Variants in TMTC2 observed in about 807,000 individuals in gnomAD.
The protein encoded by TMTC2 is transmembrane O-mannosyltransferase targeting cadherins 2, also known as protein O-mannosyl-transferase TMTC2.
A neutral mutation model predicts 82.4 loss-of-function variants in TMTC2; 43 were observed. That is an observed-to-expected ratio of 0.52 (90% CI 0.41 to 0.67). TMTC2 has a LOEUF of 0.67. Ranked by LOEUF, TMTC2 falls within the 30% of genes least tolerant of loss-of-function variation. The pLI, the probability that TMTC2 is intolerant of heterozygous loss-of-function variation, is 0.00. For missense variants in TMTC2, 919 were observed against 1,012.4 expected (o/e 0.91, Z 1.25); for synonymous variants, 408 against 381.9 (o/e 1.07, Z -0.80).
intron 10 of TMTC2, among the ~76,000 whole-genome samples, chr12:83,056,880 C>G (rs1365938807): frequency 1.3e-5 from 2 of 151,828 alleles, no homozygotes; most frequent in Non-Finnish European, 2.9e-5. Flanking sequence ...TATTAACATG[C>G]AAGTGAACAC....
intron 2 of TMTC2, among the ~76,000 whole-genome samples, chr12:82,876,031 T>TGGTGGC (rs1872482498): frequency 2.7e-5 from 2 of 74,124 alleles, no homozygotes; most frequent in South Asian, 4.7e-4. Flanking sequence ...GTGGTGGCGG[T>TGGTGGC]GGTGGTGGTG....
intron 1 of TMTC2, among the ~76,000 whole-genome samples, chr12:82,720,658 A>G (rs1337420299): frequency 6.6e-6 from 1 of 152,202 alleles, no homozygotes; most frequent in Non-Finnish European, 1.5e-5. Context: ...GAGCTGCTGC[A>G]CTGTTTTCCA....
At chr12:83,116,996 C>G (rs987843176) in intron 11 of TMTC2, among the ~76,000 whole-genome samples, 4 of 152,060 alleles carry the variant, frequency 2.6e-5, no homozygotes, top group Admixed American at 2.6e-4. Context: ...TCATGAAATC[C>G]TTGCCTCAAC....
chr12:83,087,921 G>A (rs755906156), intron 11 of TMTC2, among the ~76,000 whole-genome samples: 31 of 152,224 alleles, frequency 2.0e-4, no homozygotes, highest in Admixed American at 2.0e-4. Flanking sequence ...CACACAGTCT[G>A]TCCTTGAAGC....
intron 1 of TMTC2, among the ~76,000 whole-genome samples, chr12:82,819,411 A>G (rs1312737298): frequency 6.6e-6 from 1 of 151,588 alleles, no homozygotes; most frequent in African/African-American, 2.4e-5. Flanking sequence ...GATAATCTCC[A>G]GTTTATCATG....
At chr12:83,074,489 C>T (rs544504569) in intron 11 of TMTC2, among the ~76,000 whole-genome samples, 10 of 152,202 alleles carry the variant, frequency 6.6e-5, no homozygotes, top group African/African-American at 2.4e-4. Context: ...TGTCTGAGCC[C>T]AGACTCTCCT....
At chr12:83,120,662 G>C (rs1376621595) in intron 11 of TMTC2, among the ~76,000 whole-genome samples, 1 of 152,148 alleles carries the variant, frequency 6.6e-6, no homozygotes, top group South Asian at 2.1e-4. Flanking sequence ...TATTTCCCAG[G>C]TGTTCTTTGT....
At chr12:82,803,169 T>G (rs1879089828) in intron 1 of TMTC2, among the ~76,000 whole-genome samples, 1 of 152,146 alleles carries the variant, frequency 6.6e-6, no homozygotes, top group East Asian at 1.9e-4. Flanking sequence ...CAGTATGATA[T>G]TGTATCCAGA....
At chr12:82,770,936 C>T (rs976866985) in intron 1 of TMTC2, among the ~76,000 whole-genome samples, 2 of 152,062 alleles carry the variant, frequency 1.3e-5, no homozygotes, top group African/African-American at 4.8e-5. Context: ...TTGCGGGGTG[C>T]AGTGGCTCAC....
At chr12:82,892,824 C>T (rs1204095089) in intron 2 of TMTC2, among the ~76,000 whole-genome samples, 1 of 152,152 alleles carries the variant, frequency 6.6e-6, no homozygotes, top group Non-Finnish European at 1.5e-5. Flanking sequence ...TCTTCTTTAT[C>T]CATGATATCT....
chr12:83,005,674 A>T (rs993985729), intron 8 of TMTC2, among the ~76,000 whole-genome samples: 2 of 152,158 alleles, frequency 1.3e-5, no homozygotes, highest in Non-Finnish European at 2.9e-5. Context: ...TTTGAGATCG[A>T]GCACCAGCTG....
intron 4 of TMTC2, among the ~76,000 whole-genome samples, chr12:82,951,382 C>G (rs1422232985): frequency 1.3e-5 from 2 of 152,266 alleles, no homozygotes; most frequent in East Asian, 3.9e-4. Context: ...TCTCCACTTC[C>G]CGGGTTCAAG....
chr12:83,063,480 A>G (rs1042688495), intron 11 of TMTC2, among the ~76,000 whole-genome samples: 14 of 151,898 alleles, frequency 9.2e-5, no homozygotes, highest in Non-Finnish European at 1.8e-4. Context: ...AGCACTTATT[A>G]TTATGTGCTA....
At chr12:83,016,055 T>C (rs1880663935) in intron 8 of TMTC2, among the ~76,000 whole-genome samples, 1 of 152,204 alleles carries the variant, frequency 6.6e-6, no homozygotes, top group Non-Finnish European at 1.5e-5. Context: ...CAGAAAATTA[T>C]TGTTCGCAGA....
At chr12:82,912,929 G>C (rs1213001304) in intron 3 of TMTC2, among the ~76,000 whole-genome samples, 1 of 107,638 alleles carries the variant, frequency 9.3e-6, no homozygotes, top group African/African-American at 3.1e-5. Flanking sequence ...ACAGAGTTGA[G>C]ACCTTGTCTG....
chr12:82,808,507 T>C (rs1879342765), intron 1 of TMTC2, among the ~76,000 whole-genome samples: 1 of 152,096 alleles, frequency 6.6e-6, no homozygotes, highest in Admixed American at 6.6e-5. Flanking sequence ...TTCGTAGATA[T>C]GGAAACTGAG....
chr12:83,048,144 T>C (rs540056647), intron 9 of TMTC2, among the ~76,000 whole-genome samples: 1 of 152,354 alleles, frequency 6.6e-6, no homozygotes, highest in Non-Finnish European at 1.5e-5. Flanking sequence ...GTAATTAATA[T>C]TGTGTTTTAA....
intron 1 of TMTC2, among the ~76,000 whole-genome samples, chr12:82,733,360 AT>A (rs2136943461): frequency 6.6e-6 from 1 of 152,324 alleles, no homozygotes; most frequent in East Asian, 1.9e-4. Context: ...AATGTTTGGG[AT>A]TCAAAGATAA....
intron 8 of TMTC2, among the ~76,000 whole-genome samples, chr12:83,004,993 AATACAAAAAAC>A (rs1880109285): frequency 6.8e-6 from 1 of 146,364 alleles, no homozygotes; most frequent in African/African-American, 2.7e-5. Flanking sequence ...CTCTACTAAA[AATACAAAAAAC>A]AGCCGAGTGG....
Sources: allele counts gnomAD v4.1 joint callset (sites outside exome capture counted in the v4.1 genomes callset), GRCh38; gene constraint gnomAD v4.1.1; transcripts MANE v1.5; gene names NCBI Gene and HGNC (gene_info 2026-07-23, HGNC 2026-07-21).